The following CREBBP variants were observed in gnomAD, a reference collection of about 807,000 sequenced individuals.
CREBBP encodes CREB-binding protein.
A neutral mutation model predicts 265.0 loss-of-function variants in CREBBP; 19 were observed. That is an observed-to-expected ratio of 0.07 (90% confidence interval 0.05 to 0.11). CREBBP has a LOEUF of 0.11. CREBBP is among the 10% of genes least tolerant of loss of function. CREBBP has a pLI of 1.00. For missense variants in CREBBP, 2,525 were observed against 3,219.0 expected (o/e 0.78, Z 5.22); for synonymous variants, 1,457 against 1,223.7 (o/e 1.19, Z -3.98).
chr16:3,731,599 T>C lies in CREBBP; in HGVS notation c.4891-126A>G. 7.0e-7 allele frequency: 1 copy of C among 1,426,988 alleles called. No individual in the cohort carries two copies. The highest frequency in any genetic ancestry group is 9.7e-7 in the Non-Finnish European group (1 of 1,031,580). 88.4% of individuals were successfully genotyped at this position (1,426,988 alleles called of 1,614,324 possible). On this transcript the variant is annotated intron_variant, in intron 29 of 30. Transcript: ENST00000262367. This position sits in a 1 kb window ranked among gnomAD's most constrained non-coding sequence, Gnocchi z 7.7. ...GGCTGAGCCTGATGGCCCTGATGCC[T>C]TGGGATGGAACAAAATTGGTGACAC...
intron 5 of CREBBP, among the ~76,000 whole-genome samples, chr16:3,790,872 A>G (rs1197340437): frequency 6.6e-6 from 1 of 152,182 alleles, no homozygotes; most frequent in East Asian, 1.9e-4. Context: ...GCCACTCCAC[A>G]GTACTCTTAG....
intron 16 of CREBBP, among the ~76,000 whole-genome samples, chr16:3,760,428 A>C (rs1334140481): frequency 2.0e-5 from 2 of 101,546 alleles, no homozygotes; most frequent in Non-Finnish European, 3.7e-5. Flanking sequence ...TTTGAGACAG[A>C]GTCTTGCTCT....
At chr16:3,776,477 C>G (rs1487476641) in intron 11 of CREBBP, among the ~76,000 whole-genome samples, 1 of 152,172 alleles carries the variant, frequency 6.6e-6, no homozygotes, top group African/African-American at 2.4e-5. Flanking sequence ...CAACCTGGCA[C>G]AGGACCTGTG....
intron 28 of CREBBP, among the ~76,000 whole-genome samples, chr16:3,732,258 G>A (rs983695647): frequency 2.0e-5 from 3 of 152,216 alleles, no homozygotes; most frequent in Non-Finnish European, 2.9e-5. Flanking sequence ...AACCAGATGC[G>A]GAAGATTCCA....
At chr16:3,773,035 G>A (rs995436473) in intron 13 of CREBBP, among the ~76,000 whole-genome samples, 3 of 151,688 alleles carry the variant, frequency 2.0e-5, no homozygotes, top group Admixed American at 6.6e-5. Context: ...TTGCAGAGCC[G>A]AGATTGTACC....
chr16:3,780,719 A>C lies in CREBBP; in HGVS notation c.1823+13T>G. On this transcript the variant is annotated intron_variant, in intron 8 of 30. Coordinates refer to ENST00000262367, the MANE Select transcript of CREBBP (RefSeq NM_004380.3). ...AAATCAAACATCTATGAAACTGCAA[A>C]ACTGTTACGTACAGTTTATGCACTA... The C allele has an allele frequency of 6.2e-7, 1 of 1,613,728 alleles. No homozygotes were observed. The highest frequency in any genetic ancestry group is 8.5e-7 in the Non-Finnish European group (1 of 1,179,978).
At chr16:3,767,599 G>T in intron 16 of CREBBP, 121 bp downstream of exon 16, 1 of 1,346,122 alleles carries the variant, frequency 7.4e-7, no homozygotes, top group Non-Finnish European at 1.0e-6. Flanking sequence ...GGAATGGCAG[G>T]CAAGAAAGGT....
intron 21 of CREBBP, among the ~76,000 whole-genome samples, chr16:3,748,048 C>T (rs932490801): frequency 2.0e-5 from 3 of 152,106 alleles, no homozygotes; most frequent in African/African-American, 7.2e-5. Context: ...TGAGATTGTG[C>T]CATTGCACTC....
chr16:3,874,891 T>C (rs1184653529), intron 1 of CREBBP, among the ~76,000 whole-genome samples: 2 of 152,196 alleles, frequency 1.3e-5, no homozygotes, highest in African/African-American at 4.8e-5. Flanking sequence ...CCCCAAAAAC[T>C]AAACTGACAA....
chr16:3,728,299 T>C lies in CREBBP; in HGVS notation c.6748A>G (p.Met2250Val), dbSNP rs1376163722. 2.5e-6 allele frequency: 4 copies of C among 1,612,154 alleles called. No individual in the cohort carries two copies. The highest frequency in any genetic ancestry group is 1.3e-5 in the African/African-American group (1 of 74,996). Residue 2250 changes from methionine (M) to valine (V), a missense_variant, in exon 31 of 31, where the codon ATG becomes GTG. By Grantham distance (21) the Met-to-Val change is conservative. Around this residue, in one of 19 missense-constraint regions of CREBBP, gnomAD observed 473 missense variants for 459.3 expected, o/e 1.03. Transcript: ENST00000262367. This position sits in a 1 kb window ranked among gnomAD's most constrained non-coding sequence, Gnocchi z 8.7. ...CCCTGGAGGGGGAGATGCTGCTGCATGCGCTGCTGCTGCTGCATGGCCGGT... is the reference window on the plus strand; with the variant it reads ...CCCTGGAGGGGGAGATGCTGCTGCACGCGCTGCTGCTGCTGCATGGCCGGT... ...YPPAMQQQQR[M>V]QQHLPLQGSS...
rs2141198252 is a variant in CREBBP, at chr16:3,770,561, G to A, written c.2880+9C>T. The A allele has an allele frequency of 6.2e-7, 1 of 1,612,246 alleles. No homozygotes were observed. The highest frequency in any genetic ancestry group is 8.5e-7 in the Non-Finnish European group (1 of 1,179,896). ...TTGGCCCAAAAACAGCAGAGACAGA[G>A]AGGCTTACCGGTGTGCCAGGAGGCT... is the stretch of plus-strand genomic sequence containing the variant. On this transcript the variant is annotated intron_variant, in intron 14 of 30. Coordinates refer to ENST00000262367, the MANE Select transcript of CREBBP (RefSeq NM_004380.3).
chr16:3,739,664 A>G lies in CREBBP; in HGVS notation c.4194T>C (p.Ala1398=), dbSNP rs2052153962. 1.2e-6 allele frequency: 2 copies of G among 1,614,230 alleles called. No homozygotes were observed. The highest frequency in any genetic ancestry group is 2.2e-5 in the East Asian group (1 of 44,890). The change falls in exon 25 of 31, where the codon GCT becomes GCC. Residue 1398 remains alanine, a synonymous_variant. Transcript: ENST00000262367. ...CATCCACGCCGTCAATTTCCTCAAA[A>G]GCAAACAGAGCTTTGGTTCGATATG... ...SFPYRTKALF[A]FEEIDGVDVC...
In CREBBP at chr16:3,793,510, A is replaced by C; in HGVS notation, c.1092T>G (p.Ala364=). The change falls in exon 4 of 31, where the codon GCT becomes GCG. Residue 364 remains alanine (A), a synonymous_variant. Transcript: ENST00000262367. ...CTTGCTCTCGTCTCTGACACTTATG[A>C]GCATGAAGCAGTAGAACCAGCTGCT... is the stretch of plus-strand genomic sequence containing the variant. ...IQQQLVLLLH[A]HKCQRREQAN... 6.2e-7 allele frequency: 1 copy of C among 1,614,176 alleles called. No individual in the cohort carries two copies. The highest frequency in any genetic ancestry group is 8.5e-7 in the Non-Finnish European group (1 of 1,180,024).
intron 21 of CREBBP, among the ~76,000 whole-genome samples, chr16:3,746,920 G>C (rs2052356021): frequency 6.6e-6 from 1 of 152,214 alleles, no homozygotes; most frequent in Middle Eastern, 3.4e-3. Context: ...ACTCCAGCCT[G>C]GGTGACACAG....
chr16:3,736,893 G>A (rs2151330632), intron 26 of CREBBP, 78 bp from the exon 27 acceptor site: 2 of 1,552,588 alleles, frequency 1.3e-6, no homozygotes, highest in Admixed American at 1.7e-5. Context: ...TAGCAGAGGA[G>A]CAAGGACTAA....
chr16:3,763,879 C>G (rs1388158350), intron 16 of CREBBP, among the ~76,000 whole-genome samples: 5 of 135,932 alleles, frequency 3.7e-5, no homozygotes, highest in African/African-American at 8.3e-5. Flanking sequence ...GAGTCTCACT[C>G]TGTTGCCCAG....
At position 3,777,756 on chromosome 16, in the gene CREBBP, A is replaced by C. The variant is rs1054687171; in HGVS notation, c.2114-99T>G. On this transcript the variant is annotated intron_variant, in intron 10 of 30. Transcript: ENST00000262367. ...AATTTCTTATTAGGACTTCAAACTT[A>C]AAAGGGAAAACAGCCAATAGGTCCA... The C allele has an allele frequency of 1.2e-5, 17 of 1,435,058 alleles. No homozygotes were observed. The Admixed American group carries it at 3.0e-4, about 25-fold the overall frequency. 88.9% of individuals were successfully genotyped at this position (1,435,058 alleles called of 1,614,324 possible). A position where few individuals can be genotyped will look rare whatever the true frequency, so the allele number is the denominator to read the frequency against.
rs181607804 is a variant in CREBBP at position 3,762,899 on chromosome 16, C to T, written c.3251-3927G>A. Among the ~76,000 whole-genome samples the T allele has an allele frequency of 3.3e-5, 5 of 152,056 alleles. No individual in the cohort carries two copies. In the East Asian group the frequency reaches 9.7e-4, roughly 30 times the overall value. ...ATGCCATTCTCCTGCCTCAGCCTCC[C>T]GAGTCGCTGGGACTACAGGCGCCTG... On this transcript the variant is annotated intron_variant, in intron 16 of 30. Coordinates refer to ENST00000262367, the MANE Select transcript of CREBBP (RefSeq NM_004380.3).
Position 3,850,701 on chromosome 16 carries a change from T to C in CREBBP, c.394A>G (p.Ser132Gly). 6.2e-7 allele frequency: 1 copy of C among 1,614,142 alleles called. No homozygotes were observed. Among genetic ancestry groups the C allele is most frequent in the Non-Finnish European group, 8.5e-7 (1 of 1,180,030 alleles). Residue 132 changes from serine to glycine, a missense_variant, in exon 2 of 31, where the codon AGC becomes GGC. By Grantham distance (56) the Ser-to-Gly change is moderately conservative. Around this residue, in one of 19 missense-constraint regions of CREBBP, gnomAD observed 356 missense variants for 340.4 expected, o/e 1.05. Coordinates refer to ENST00000262367, the MANE Select transcript of CREBBP (RefSeq NM_004380.3). ...GTGCTGGCTGCCTGTTTAGGCAGGC[T>C]GGGGGCTGAAGAATCTCCCTGGCTC... ...PLSQGDSSAPSLPKQAASTSG... is the reference protein window; with the variant it reads ...PLSQGDSSAPGLPKQAASTSG...
Sources: gnomAD v4.1 joint callset for allele counts (sites outside exome capture counted in the v4.1 genomes callset) on GRCh38, gnomAD v4.1.1 for gene constraint, gnomAD v4.1.1 regional missense constraint, Gnocchi (gnomAD v3.1) non-coding constraint, MANE v1.5 for transcripts, NCBI Gene and HGNC (gene_info 2026-07-23, HGNC 2026-07-21) for gene names.